Variants in TENM2 observed in about 807,000 individuals in gnomAD.
The protein encoded by TENM2 is teneurin-2.
A neutral mutation model predicts 245.2 loss-of-function variants in TENM2; 52 were observed. The observed-to-expected ratio is 0.21, with a 90% CI of 0.17 to 0.27. The LOEUF (loss-of-function observed/expected upper bound fraction) is 0.27. Ranked by LOEUF, TENM2 falls within the 10% of genes least tolerant of loss-of-function variation. The pLI is 1.00. For synonymous variants in TENM2, 1,363 were observed against 1,438.9 expected, an observed-to-expected ratio of 0.95 and a Z score of 1.19; for missense variants, 3,046 against 3,666.8, an observed-to-expected ratio of 0.83 and a Z score of 4.37.
chr5:167,802,941 G>A lies in TENM2; in HGVS notation c.503-73045G>A, dbSNP rs550820333. Among the ~76,000 whole-genome samples, 75 of 152,252 alleles carry A rather than the reference G, an allele frequency of 4.9e-4. 1 individual carries two copies. The highest frequency in any genetic ancestry group is 3.4e-3 in the Middle Eastern group (1 of 294). On this transcript the variant is annotated intron_variant, in intron 2 of 28. Coordinates refer to ENST00000518659, the Ensembl canonical transcript of TENM2. ...GTGTGAGTCCTAGAAATGATGGCATGTTGACCCTGTATATTCAAAGAAAAT... is the reference window on the plus strand; with the variant it reads ...GTGTGAGTCCTAGAAATGATGGCATATTGACCCTGTATATTCAAAGAAAAT...
chr5:168,064,151 G>T (rs1790292329), intron 7 of TENM2, among the ~76,000 whole-genome samples: 2 of 152,130 alleles, frequency 1.3e-5, no homozygotes, highest in African/African-American at 4.8e-5. Flanking sequence ...GTGCATTTCT[G>T]TAGCTTCTGG....
In TENM2 at chr5:167,793,311, A is replaced by G. The variant is rs1291248875; in HGVS notation, c.503-82675A>G. ...TCTGTAAAAATGGGTTATAATAATA[A>G]TAGCTTCATGGGATGGAAGAAGAGA... On this transcript the variant is annotated intron_variant, in intron 2 of 28. Coordinates refer to ENST00000518659, the Ensembl canonical transcript of TENM2. Among the ~76,000 whole-genome samples, 4 of 152,266 alleles carry G rather than the reference A, an allele frequency of 2.6e-5. No homozygotes were observed. In the East Asian group the frequency reaches 7.7e-4, roughly 29 times the overall value.
chr5:167,503,461 G>C (rs73365562), intron 2 of TENM2, among the ~76,000 whole-genome samples: 2,153 of 151,782 alleles, frequency 0.014, 53 homozygotes, highest in African/African-American at 0.048. Flanking sequence ...AGGAGATGAG[G>C]GTGATGATGG....
chr5:167,984,278 T>C (rs1187659477), intron 4 of TENM2, among the ~76,000 whole-genome samples: 1 of 152,222 alleles, frequency 6.6e-6, no homozygotes, highest in Non-Finnish European at 1.5e-5. Context: ...AATGTTTCTA[T>C]GTAGAAAAAG....
the TENM2 span, among the ~76,000 whole-genome samples, chr5:167,244,420 T>C: frequency 2.0e-5 from 3 of 152,200 alleles, no homozygotes; most frequent in East Asian, 5.8e-4. Context: ...CTATTTTGAG[T>C]ATCTGGAAGC....
intron 2 of TENM2, among the ~76,000 whole-genome samples, chr5:167,686,908 G>A (rs576236630): frequency 2.0e-5 from 3 of 152,182 alleles, no homozygotes; most frequent in African/African-American, 7.2e-5. Flanking sequence ...AATTCACCGA[G>A]CACATGTTGA....
chr5:167,504,108 G>A (rs890040691), intron 2 of TENM2, among the ~76,000 whole-genome samples: 7 of 152,078 alleles, frequency 4.6e-5, no homozygotes, highest in Admixed American at 2.6e-4. Flanking sequence ...TGCCTAATAT[G>A]GAACAGATGC....
intron 2 of TENM2, among the ~76,000 whole-genome samples, chr5:167,579,412 A>G (rs1006654923): frequency 6.6e-6 from 1 of 152,226 alleles, no homozygotes; most frequent in Admixed American, 6.5e-5. Flanking sequence ...GTGTCTTAGT[A>G]TAATAGGAAT....
chr5:167,073,690 C>G, the TENM2 span, among the ~76,000 whole-genome samples: 1 of 152,292 alleles, frequency 6.6e-6, no homozygotes, highest in East Asian at 1.9e-4. Context: ...TATTTGCTAT[C>G]TTCACATAGA....
intron 5 of TENM2, among the ~76,000 whole-genome samples, chr5:168,046,649 G>A (rs187106076): frequency 6.6e-5 from 10 of 152,238 alleles, no homozygotes; most frequent in East Asian, 3.9e-4. Flanking sequence ...TTCTTCAGAC[G>A]TGCTCAGTTC....
chr5:167,147,104 G>A, the TENM2 span, among the ~76,000 whole-genome samples: 1 of 152,210 alleles, frequency 6.6e-6, no homozygotes, highest in Non-Finnish European at 1.5e-5. Context: ...TGCTTTAGTT[G>A]TACACAGAAT....
chr5:167,506,614 G>A lies in TENM2; in HGVS notation c.502+131141G>A, dbSNP rs771053509. 2.0e-5 allele frequency among the ~76,000 whole-genome samples: 3 copies of A among 152,162 alleles called. No homozygotes were observed. The East Asian group carries it at 5.8e-4, about 29-fold the overall frequency. ...TGATTTGCTGGCATAGAATTCATTT[G>A]ATATAATGACACTTAAGGGTTGCTT... On this transcript the variant is annotated intron_variant, in intron 2 of 28. Transcript: ENST00000518659.
chr5:168,170,707 C>T (rs972721773), intron 13 of TENM2, among the ~76,000 whole-genome samples: 4 of 152,202 alleles, frequency 2.6e-5, no homozygotes, highest in African/African-American at 9.6e-5. Context: ...GGTCTCCCTG[C>T]ACTCCTCTTG....
intron 1 of TENM2, among the ~76,000 whole-genome samples, chr5:167,369,635 A>C (rs1264900426): frequency 6.6e-6 from 1 of 150,858 alleles, no homozygotes; most frequent in Non-Finnish European, 1.5e-5. Flanking sequence ...ATGGGTAGGG[A>C]TTAATTTTAT....
the TENM2 span, among the ~76,000 whole-genome samples, chr5:167,123,435 C>G: frequency 6.6e-6 from 1 of 152,196 alleles, no homozygotes; most frequent in South Asian, 2.1e-4. Context: ...CATATTCTTT[C>G]TATGAACAGT....
intron 2 of TENM2, among the ~76,000 whole-genome samples, chr5:167,556,096 T>G (rs1475458618): frequency 6.6e-6 from 1 of 152,174 alleles, no homozygotes; most frequent in Non-Finnish European, 1.5e-5. Context: ...TCTTAGACTT[T>G]GAGTCATTTT....
chr5:167,717,880 C>T (rs567105280), intron 2 of TENM2, among the ~76,000 whole-genome samples: 1 of 152,236 alleles, frequency 6.6e-6, no homozygotes, highest in Non-Finnish European at 1.5e-5. Flanking sequence ...AGAACTTTGT[C>T]TAAAATACCA....
chr5:167,153,684 C>CGTAT, the TENM2 span, among the ~76,000 whole-genome samples: 4 of 147,156 alleles, frequency 2.7e-5, no homozygotes, highest in African/African-American at 1.0e-4. Flanking sequence ...TATATATATA[C>CGTAT]ACACACACAC....
At chr5:167,621,051 A>G (rs557456655) in intron 2 of TENM2, among the ~76,000 whole-genome samples, 6 of 152,048 alleles carry the variant, frequency 3.9e-5, no homozygotes, top group Non-Finnish European at 8.8e-5. Context: ...AGGATGGAAA[A>G]TACTTTGAAC....
Sources: gnomAD v4.1 joint callset for allele counts (sites outside exome capture counted in the v4.1 genomes callset) on GRCh38, gnomAD v4.1.1 for gene constraint, MANE v1.5 for transcripts, NCBI Gene and HGNC (gene_info 2026-07-23, HGNC 2026-07-21) for gene names.